Variants in C20orf202 observed in about 807,000 individuals in gnomAD.
C20orf202 encodes the protein chromosome 20 open reading frame 202.
In C20orf202, 5 loss-of-function variants were observed where a neutral mutation model predicts 5.3. The ratio of observed to expected loss-of-function variants is 0.94; its 90% CI spans 0.49 to 1.98. The LOEUF (loss-of-function observed/expected upper bound fraction) is 1.98, where lower values mean the gene tolerates loss of function less well. C20orf202 is among the 30% of genes most tolerant of loss of function. C20orf202 has a pLI of 0.01. For synonymous variants in C20orf202, 48 were observed against 50.0 expected (o/e 0.96, Z 0.16); for missense variants, 135 against 123.5 (o/e 1.09, Z -0.44).
intron 1 of C20orf202, among the ~76,000 whole-genome samples, chr20:1,204,314 C>T (rs2087122816): frequency 6.6e-6 from 1 of 152,092 alleles, no homozygotes; most frequent in African/African-American, 2.4e-5. Flanking sequence ...CTTAAGGAGG[C>T]CCAGTGGGTG....
rs188487223 is a variant in C20orf202 at position 1,204,079 on chromosome 20, T to C, written c.66+428T>C. On this transcript the variant is annotated intron_variant, in intron 1 of 1. Coordinates refer to ENST00000400633, the MANE Select transcript of C20orf202 (RefSeq NM_001394958.1). The stretch of plus-strand genomic sequence containing the variant: ...ATACTTGGCACCGTGGTGCTGGCTA[T>C]TATAACCCTGACCCAGATGGACATG... Among the ~76,000 whole-genome samples the C allele has an allele frequency of 3.9e-5, 6 of 152,252 alleles. No homozygotes were observed. In the East Asian group the frequency reaches 1.2e-3, roughly 29 times the overall value.
At chr20:1,204,582 G>GT (rs779085423) in intron 1 of C20orf202, among the ~76,000 whole-genome samples, 1 of 152,270 alleles carries the variant, frequency 6.6e-6, no homozygotes, top group Non-Finnish European at 1.5e-5. Flanking sequence ...CCCCAAGTGT[G>GT]TGGGGACACC....
Position 1,208,869 on chromosome 20 carries a change from G to A in C20orf202, c.*1767G>A, listed in dbSNP as rs990111045. Among the ~76,000 whole-genome samples the A allele has an allele frequency of 2.0e-5, 3 of 152,160 alleles. No homozygotes were observed. The highest frequency in any genetic ancestry group is 4.4e-5 in the Non-Finnish European group (3 of 68,016). ...CCAGCTGAGCTGAGTTCCTTTCTCAGATAGCTGAATTTAAACTCCAGGGAA... is the reference window on the plus strand; with the variant it reads ...CCAGCTGAGCTGAGTTCCTTTCTCAAATAGCTGAATTTAAACTCCAGGGAA... On this transcript the variant is annotated 3_prime_UTR_variant, in exon 2 of 2. Coordinates refer to ENST00000400633, the MANE Select transcript of C20orf202 (RefSeq NM_001394958.1).
intron 1 of C20orf202, among the ~76,000 whole-genome samples, 170 bp downstream of exon 1, chr20:1,203,821 G>C (rs2087120874): frequency 1.3e-5 from 2 of 152,158 alleles, no homozygotes; most frequent in Admixed American, 6.5e-5. Context: ...CTCAGGTTCA[G>C]GGATAAGTAG....
chr20:1,205,057 G>A (rs1052602862), intron 1 of C20orf202, among the ~76,000 whole-genome samples: 4 of 151,600 alleles, frequency 2.6e-5, no homozygotes, highest in African/African-American at 7.3e-5. Context: ...AGCCTGAGTC[G>A]TCCCAGTGTT....
chr20:1,207,221 C>G lies in C20orf202; in HGVS notation c.*119C>G. On this transcript the variant is annotated 3_prime_UTR_variant, in exon 2 of 2. Coordinates refer to ENST00000400633, the MANE Select transcript of C20orf202 (RefSeq NM_001394958.1). ...GAAAGCCAGGGCTCTGGGTTCATTT[C>G]TGCCCTCATCTGCTGTGCATCCCTG... 1 of 640,914 alleles carries G rather than the reference C, an allele frequency of 1.6e-6. No individual in the cohort carries two copies. Among genetic ancestry groups the G allele is most frequent in the South Asian group, 3.0e-5 (1 of 33,148 alleles). 39.7% of individuals were successfully genotyped at this position (640,914 alleles called of 1,614,324 possible). A position where few individuals can be genotyped will look rare whatever the true frequency, so the allele number is the denominator to read the frequency against.
Position 1,206,956 on chromosome 20 carries a change from C to T in C20orf202, c.154C>T (p.His52Tyr). 1 of 1,551,758 alleles carries T rather than the reference C, an allele frequency of 6.4e-7. No individual in the cohort carries two copies. The highest frequency in any genetic ancestry group is 1.2e-5 in the South Asian group (1 of 84,058). The change falls in exon 2 of 2, where the codon CAC becomes TAC. Residue 52 changes from histidine (H) to tyrosine (Y), a missense_variant. Physicochemically the swap from His to Tyr is moderately conservative, Grantham distance 83 (BLOSUM62 2). Coordinates refer to ENST00000400633, the MANE Select transcript of C20orf202 (RefSeq NM_001394958.1). ...VLEELRADSA[H>Y]WEDARSSGGT... ...GGAGGAGCTGCGTGCGGACAGCGCC[C>T]ACTGGGAGGACGCCAGGTCCAGCGG...
Position 1,206,969 on chromosome 20 carries a change from C to T in C20orf202, c.167C>T (p.Ala56Val). Residue 56 changes from alanine to valine, a missense_variant, in exon 2 of 2, where the codon GCC becomes GTC. Ala to Val is a moderately conservative substitution (Grantham distance 64, BLOSUM62 0). Coordinates refer to ENST00000400633, the MANE Select transcript of C20orf202 (RefSeq NM_001394958.1). ...LRADSAHWED[A>V]RSSGGTSPIR... ...GCGGACAGCGCCCACTGGGAGGACGCCAGGTCCAGCGGAGGGACATCCCCC... is the reference window on the plus strand; with the variant it reads ...GCGGACAGCGCCCACTGGGAGGACGTCAGGTCCAGCGGAGGGACATCCCCC... The T allele has an allele frequency of 6.4e-7, 1 of 1,551,710 alleles. No individual in the cohort carries two copies. Among genetic ancestry groups the T allele is most frequent in the Non-Finnish European group, 8.7e-7 (1 of 1,146,926 alleles).
In C20orf202 at chr20:1,207,785, G is replaced by C. The variant is rs1462095393; in HGVS notation, c.*683G>C. ...GGCCATGTTCCTACCAGGTAAAGAA[G>C]ACCTGTCTGCAGTAGGAAGGAAAGA... On this transcript the variant is annotated 3_prime_UTR_variant, in exon 2 of 2. Transcript: ENST00000400633. 2 of 152,234 alleles carry C rather than the reference G, an allele frequency of 1.3e-5. No homozygotes were observed. The highest frequency in any genetic ancestry group is 3.8e-4 in the East Asian group (2 of 5,196). 9.4% of individuals were successfully genotyped at this position (152,234 alleles called of 1,614,324 possible). A position where few individuals can be genotyped will look rare whatever the true frequency, so the allele number is the denominator to read the frequency against.
At chr20:1,204,348 A>G (rs1325584798) in intron 1 of C20orf202, among the ~76,000 whole-genome samples, 3 of 152,160 alleles carry the variant, frequency 2.0e-5, no homozygotes. Context: ...GATGCTCTGC[A>G]GGGGTTGAAG....
chr20:1,208,250 GA>G lies in C20orf202; in HGVS notation c.*1152del, dbSNP rs1364349229. 2 of 152,126 alleles carry G rather than the reference GA, an allele frequency of 1.3e-5. No homozygotes were observed. The highest frequency in any genetic ancestry group is 2.9e-5 in the Non-Finnish European group (2 of 68,026). The allele number at this position is 152,126 out of a possible 1,614,324, so 9.4% of individuals were successfully genotyped here. ...TAAGAAAGACTAAAACAGAAAAGGT[GA>G]AAATAAAAAAGTCATGGTGTTAAGA... is the stretch of plus-strand genomic sequence containing the variant. On this transcript the variant is annotated 3_prime_UTR_variant, in exon 2 of 2. Coordinates refer to ENST00000400633, the MANE Select transcript of C20orf202 (RefSeq NM_001394958.1).
intron 1 of C20orf202, among the ~76,000 whole-genome samples, chr20:1,204,771 T>C (rs2087124791): frequency 6.6e-6 from 1 of 152,172 alleles, no homozygotes; most frequent in African/African-American, 2.4e-5. Context: ...GCTGACCCAG[T>C]AGGGTTTCTC....
chr20:1,203,774 C>T, intron 1 of C20orf202, 123 bp downstream of exon 1: 1 of 1,099,198 alleles, frequency 9.1e-7, no homozygotes, highest in South Asian at 1.7e-5. Flanking sequence ...CCTGCAGTCT[C>T]CCCTCTGGGA....
Position 1,207,271 on chromosome 20 carries a change from T to A in C20orf202, c.*169T>A. 1 of 487,098 alleles carries A rather than the reference T, an allele frequency of 2.1e-6. No homozygotes were observed. Among genetic ancestry groups the A allele is most frequent in the Non-Finnish European group, 3.7e-6 (1 of 270,462 alleles). The allele number at this position is 487,098 out of a possible 1,614,324, so 30.2% of individuals were successfully genotyped here. A position where few individuals can be genotyped will look rare whatever the true frequency, so the allele number is the denominator to read the frequency against. ...GGATCTGTCACTCAGCTTCTCTGTG[T>A]CTCTGGTTCCTTTTCTGTCACTTGG... is the stretch of plus-strand genomic sequence containing the variant. On this transcript the variant is annotated 3_prime_UTR_variant, in exon 2 of 2. Coordinates refer to ENST00000400633, the MANE Select transcript of C20orf202 (RefSeq NM_001394958.1).
chr20:1,206,850 G>T lies in C20orf202; in HGVS notation c.67-19G>T. On this transcript the variant is annotated intron_variant, in intron 1 of 1. Coordinates refer to ENST00000400633, the MANE Select transcript of C20orf202 (RefSeq NM_001394958.1). ...CCAGGGCTCCACGCATCCCCTCACAGGCTCCTTCTCTCTCCTAGTCTGAGA... is the reference window on the plus strand; with the variant it reads ...CCAGGGCTCCACGCATCCCCTCACATGCTCCTTCTCTCTCCTAGTCTGAGA... 6.7e-7 allele frequency: 1 copy of T among 1,484,728 alleles called. No homozygotes were observed. Among genetic ancestry groups the T allele is most frequent in the Non-Finnish European group, 9.1e-7 (1 of 1,100,052 alleles). 92.0% of individuals were successfully genotyped at this position (1,484,728 alleles called of 1,614,324 possible).
chr20:1,204,657 C>T (rs2087124373), intron 1 of C20orf202, among the ~76,000 whole-genome samples: 1 of 152,244 alleles, frequency 6.6e-6, no homozygotes, highest in Non-Finnish European at 1.5e-5. Flanking sequence ...ATACACACCT[C>T]TCATCCTGGG....
chr20:1,206,212 T>A (rs2087131027), intron 1 of C20orf202, among the ~76,000 whole-genome samples: 2 of 152,190 alleles, frequency 1.3e-5, no homozygotes, highest in African/African-American at 4.8e-5. Context: ...GAACCCTTTA[T>A]GCCCCAAAAA....
In C20orf202 at chr20:1,208,893, A is replaced by G. The variant is rs1217169550; in HGVS notation, c.*1791A>G. On this transcript the variant is annotated 3_prime_UTR_variant, in exon 2 of 2. Transcript: ENST00000400633. ...AGATAGCTGAATTTAAACTCCAGGG[A>G]ATTCCTCCTGTAAGTTTTAAAGTTT... Among the ~76,000 whole-genome samples the G allele has an allele frequency of 3.3e-5, 5 of 152,164 alleles. No homozygotes were observed.
rs912035516 is a variant in C20orf202, at chr20:1,206,923, A to G, written c.121A>G (p.Ser41Gly). The G allele has an allele frequency of 7.7e-6, 12 of 1,551,184 alleles. No individual in the cohort carries two copies. Among genetic ancestry groups the G allele is most frequent in the Non-Finnish European group, 9.6e-6 (11 of 1,146,582 alleles). The stretch of plus-strand genomic sequence containing the variant: ...CCTGCTCACACTGAGGCATCTTCAC[A>G]GTGTCCTGGAGGAGCTGCGTGCGGA... ...SLLLTLRHLH[S>G]VLEELRADSA... is the part of the protein sequence containing the mutation. Residue 41 changes from serine (S) to glycine (G), a missense_variant, in exon 2 of 2, where the codon AGT becomes GGT. Coordinates refer to ENST00000400633, the MANE Select transcript of C20orf202 (RefSeq NM_001394958.1).
Sources: gnomAD v4.1 joint callset for allele counts (sites outside exome capture counted in the v4.1 genomes callset) on GRCh38, gnomAD v4.1.1 for gene constraint, MANE v1.5 for transcripts, NCBI Gene and HGNC (gene_info 2026-07-23, HGNC 2026-07-21) for gene names.